CLSTN1: variants seen among roughly 807,000 people sequenced by gnomAD.
CLSTN1 encodes calsyntenin 1.
CLSTN1 carries 28 observed loss-of-function variants against 108.3 expected under a neutral mutation model. The ratio of observed to expected loss-of-function variants is 0.26; its 90% confidence interval spans 0.19 to 0.35. CLSTN1 has a LOEUF of 0.35. CLSTN1 is among the 10% of genes least tolerant of loss of function. The probability of loss-of-function intolerance (pLI) is 1.00; values close to 1 mark genes in which losing one functional copy is unlikely to be tolerated. For synonymous variants in CLSTN1, 524 were observed against 534.9 expected, an observed-to-expected ratio of 0.98 and a Z score of 0.28; for missense variants, 1,157 against 1,302.6, an observed-to-expected ratio of 0.89 and a Z score of 1.72.
At chr1:9,735,721 T>C in intron 12 of CLSTN1, 106 bp from the exon 13 acceptor site, 1 of 1,525,198 alleles carries the variant, frequency 6.6e-7, no homozygotes. Context: ...CGATTTGAAT[T>C]GCTGACTTGA....
Position 9,750,121 on chromosome 1 carries a change from GA to G in CLSTN1, c.650-209del. ...CATCCTGAAGAGTTTCAACAGAAGAGACGGAGCTACACAGCTCAGTCTCCAC... is the reference window on the plus strand; with the variant it reads ...CATCCTGAAGAGTTTCAACAGAAGAGCGGAGCTACACAGCTCAGTCTCCAC... On this transcript the variant is annotated intron_variant, in intron 5 of 18. Transcript: ENST00000377298. 5.7e-6 allele frequency: 3 copies of G among 529,482 alleles called. No homozygotes were observed. In the South Asian group the frequency reaches 6.6e-5, roughly 12 times the overall value. 32.8% of individuals were successfully genotyped at this position (529,482 alleles called of 1,614,324 possible). A position where few individuals can be genotyped will look rare whatever the true frequency, so the allele number is the denominator to read the frequency against.
At position 9,735,909 on chromosome 1, in the gene CLSTN1, G is replaced by C; in HGVS notation, c.1710C>G (p.Leu570=). 1 of 1,614,052 alleles carries C rather than the reference G, an allele frequency of 6.2e-7. No individual in the cohort carries two copies. Among genetic ancestry groups the C allele is most frequent in the Non-Finnish European group, 8.5e-7 (1 of 1,180,008 alleles). ...CCTGCACGCCTCTGCCACTGTCTTCGAGGACCTGCAGGTCCAGCCCCTCCT... is the reference window on the plus strand; with the variant it reads ...CCTGCACGCCTCTGCCACTGTCTTCCAGGACCTGCAGGTCCAGCCCCTCCT... ...TCKEGLDLQV[L]EDSGRGVQIQ... is the part of the protein sequence containing the mutation. Residue 570 remains leucine (L), a synonymous_variant, in exon 12 of 19, where the codon CTC becomes CTG. Transcript: ENST00000377298.
intron 1 of CLSTN1, among the ~76,000 whole-genome samples, chr1:9,784,856 A>T (rs1174429350): frequency 1.3e-5 from 2 of 151,952 alleles, no homozygotes; most frequent in African/African-American, 4.8e-5. Context: ...AGTATCTTAA[A>T]CTCTAAGTTT....
chr1:9,743,708 C>T (rs1651094723), intron 9 of CLSTN1, among the ~76,000 whole-genome samples, 176 bp downstream of exon 9: 1 of 151,326 alleles, frequency 6.6e-6, no homozygotes, highest in African/African-American at 2.4e-5. Context: ...CCACCATGCC[C>T]AGCTAATTTT....
intron 7 of CLSTN1, 109 bp downstream of exon 7, chr1:9,749,352 T>C: frequency 9.2e-7 from 1 of 1,090,392 alleles, no homozygotes; most frequent in Non-Finnish European, 1.3e-6. Flanking sequence ...GCAGATTCTC[T>C]GTCACAGTTT....
At chr1:9,794,668 C>T (rs1475513960) in intron 1 of CLSTN1, among the ~76,000 whole-genome samples, 2 of 151,334 alleles carry the variant, frequency 1.3e-5, no homozygotes, top group African/African-American at 4.8e-5. Flanking sequence ...CAGGGACGTG[C>T]CATGATTTCC....
intron 1 of CLSTN1, among the ~76,000 whole-genome samples, chr1:9,820,355 C>T (rs998654703): frequency 3.9e-5 from 6 of 152,020 alleles, no homozygotes; most frequent in African/African-American, 1.5e-4. Flanking sequence ...CCTGTCTCTA[C>T]TAAAAATACA....
chr1:9,762,904 G>T (rs953168849), intron 2 of CLSTN1, among the ~76,000 whole-genome samples: 2 of 152,214 alleles, frequency 1.3e-5, no homozygotes, highest in Non-Finnish European at 1.5e-5. Flanking sequence ...ACTGGTCCAG[G>T]CTAGTTTCTG....
At chr1:9,731,718 C>T (rs769474940) in intron 17 of CLSTN1, 43 bp downstream of exon 17, 22 of 1,608,442 alleles carry the variant, frequency 1.4e-5, no homozygotes, top group South Asian at 5.5e-5. Flanking sequence ...GCAGGGCGGA[C>T]GGCATGGAGC....
In CLSTN1 at chr1:9,733,566, G is replaced by C. The variant is rs780389345; in HGVS notation, c.2282-20C>G. 4 of 1,613,196 alleles carry C rather than the reference G, an allele frequency of 2.5e-6. No individual in the cohort carries two copies. The highest frequency in any genetic ancestry group is 2.5e-6 in the Non-Finnish European group (3 of 1,179,738). The stretch of plus-strand genomic sequence containing the variant: ...CCACGCCTGCAGGGGTTGAAAGGGG[G>C]AAGATTGCCGGGTGGCTTAGGGCAG... On this transcript the variant is annotated intron_variant, in intron 15 of 18. Transcript: ENST00000377298.
intron 2 of CLSTN1, among the ~76,000 whole-genome samples, chr1:9,761,962 C>A (rs1372852108): frequency 6.6e-6 from 1 of 152,154 alleles, no homozygotes; most frequent in African/African-American, 2.4e-5. Flanking sequence ...CGGCTGGAGA[C>A]CAGGAAACAG....
Position 9,784,996 on chromosome 1 carries a change from C to CTT in CLSTN1, c.92-11604_92-11603dup, listed in dbSNP as rs549145155. 5.4e-3 allele frequency among the ~76,000 whole-genome samples: 726 copies of CTT among 133,448 alleles called. 3 individuals are homozygous for CTT. The highest frequency in any genetic ancestry group is 0.015 in the African/African-American group (560 of 36,620). The allele number at this position is 133,448 out of a possible 152,430, so 87.5% of individuals were successfully genotyped here. A position where few individuals can be genotyped will look rare whatever the true frequency, so the allele number is the denominator to read the frequency against. ...TAAGTATTGTCCCTAGTCATAAATT[C>CTT]TTTTTTTTTTTTTTTTTGAGAGTCT... is the stretch of plus-strand genomic sequence containing the variant. On this transcript the variant is annotated intron_variant, in intron 1 of 18. Coordinates refer to ENST00000377298, the MANE Select transcript of CLSTN1 (RefSeq NM_001009566.3).
Position 9,751,635 on chromosome 1 carries a change from C to A in CLSTN1, c.487G>T (p.Val163Leu). The A allele has an allele frequency of 6.2e-7, 1 of 1,614,130 alleles. No homozygotes were observed. ...QVNDVNEYAPVFKEKSYKATV... is the reference protein window; with the variant it reads ...QVNDVNEYAPLFKEKSYKATV... ...GCTTTGTAGGACTTCTCCTTGAACA[C>A]GGGCGCGTACTCATTCACGTCGTTC... Residue 163 changes from valine to leucine, a missense_variant, in exon 5 of 19, where the codon GTG becomes TTG. Transcript: ENST00000377298.
chr1:9,744,154 C>T (rs1259870257), intron 8 of CLSTN1, 149 bp from the exon 9 acceptor site: 7 of 1,224,108 alleles, frequency 5.7e-6, no homozygotes, highest in South Asian at 1.5e-5. Context: ...AACAAATACA[C>T]TTGGGCTTTC....
chr1:9,732,019 G>C, intron 16 of CLSTN1, 123 bp from the exon 17 acceptor site: 1 of 1,079,098 alleles, frequency 9.3e-7, no homozygotes, highest in Non-Finnish European at 1.3e-6. Flanking sequence ...CCGCAGCTGG[G>C]GGCAAACGGA....
chr1:9,750,894 T>C (rs1319385604), intron 5 of CLSTN1, among the ~76,000 whole-genome samples: 3 of 151,578 alleles, frequency 2.0e-5, no homozygotes, highest in Non-Finnish European at 4.4e-5. Flanking sequence ...CTACTAAAAA[T>C]ACAAACAACA....
chr1:9,768,321 T>G (rs1321259675), intron 2 of CLSTN1, among the ~76,000 whole-genome samples: 5 of 131,626 alleles, frequency 3.8e-5, no homozygotes, highest in South Asian at 2.6e-4. Flanking sequence ...GGCGGCACCA[T>G]GGGGGCGGAG....
chr1:9,817,117 G>A (rs897979957), intron 1 of CLSTN1, among the ~76,000 whole-genome samples: 3 of 152,126 alleles, frequency 2.0e-5, no homozygotes, highest in South Asian at 2.1e-4. Flanking sequence ...CTATAATCTC[G>A]GCTCTTTGAG....
intron 2 of CLSTN1, among the ~76,000 whole-genome samples, chr1:9,761,512 TA>T (rs926895235): frequency 1.3e-5 from 2 of 150,850 alleles, no homozygotes; most frequent in Admixed American, 1.3e-4. Context: ...AAAATTTTTT[TA>T]AAAATTTTTT....
Sources: gnomAD v4.1 joint callset for allele counts (sites outside exome capture counted in the v4.1 genomes callset) on GRCh38, gnomAD v4.1.1 for gene constraint, MANE v1.5 for transcripts, NCBI Gene and HGNC (gene_info 2026-07-23, HGNC 2026-07-21) for gene names.